Variants in FHIP1A observed in about 807,000 individuals in gnomAD.
FHIP1A encodes the protein FHF complex subunit HOOK-interacting protein 1A.
A neutral mutation model predicts 88.6 loss-of-function variants in FHIP1A; 61 were observed. The ratio of observed to expected loss-of-function variants is 0.69; its 90% CI spans 0.56 to 0.85. The LOEUF (loss-of-function observed/expected upper bound fraction) is 0.85. FHIP1A is among the 40% of genes least tolerant of loss of function. The pLI is 0.00. For synonymous variants in FHIP1A, 478 were observed against 496.0 expected (o/e 0.96, Z 0.48); for missense variants, 1,154 against 1,273.5 (o/e 0.91, Z 1.43).
Position 151,608,037 on chromosome 4 carries a change from C to CTTTTTTTTTTTTTT in FHIP1A, c.978+19123_978+19136dup, listed in dbSNP as rs376335318. The stretch of plus-strand genomic sequence containing the variant: ...TTTTCTTTTCTTTTTCTTTCTTCTT[C>CTTTTTTTTTTTTTT]TTTTTTTTTTTTTTTTTTTTTTTTT... On this transcript the variant is annotated intron_variant, in intron 7 of 13. Coordinates refer to ENST00000435205, the MANE Select transcript of FHIP1A (RefSeq NM_001109977.3). 6.4e-4 allele frequency among the ~76,000 whole-genome samples: 43 copies of CTTTTTTTTTTTTTT among 67,142 alleles called. 8 individuals are homozygous for CTTTTTTTTTTTTTT. The highest frequency in any genetic ancestry group is 7.8e-4 in the Non-Finnish European group (28 of 36,078). 44.0% of individuals were successfully genotyped at this position (67,142 alleles called of 152,430 possible).
chr4:151,552,832 A>AAG (rs539042480), intron 3 of FHIP1A, among the ~76,000 whole-genome samples: 139 of 151,978 alleles, frequency 9.1e-4, no homozygotes, highest in African/African-American at 3.2e-3. Flanking sequence ...AATTAAAAAA[A>AAG]AAAAAAGAAA....
At chr4:151,535,294 G>C (rs190846464) in intron 3 of FHIP1A, among the ~76,000 whole-genome samples, 15 of 152,246 alleles carry the variant, frequency 9.9e-5, no homozygotes, top group Admixed American at 4.6e-4. Flanking sequence ...ACCCAGCCAC[G>C]AGCAGATTGG....
intron 2 of FHIP1A, among the ~76,000 whole-genome samples, chr4:151,480,602 C>T (rs543865065): frequency 5.9e-5 from 9 of 151,976 alleles, no homozygotes; most frequent in Admixed American, 2.6e-4. Flanking sequence ...GATTAAATGG[C>T]CAGATATTTG....
chr4:151,570,243 T>C (rs1733547645), intron 4 of FHIP1A, among the ~76,000 whole-genome samples: 1 of 152,138 alleles, frequency 6.6e-6, no homozygotes, highest in Non-Finnish European at 1.5e-5. Context: ...CATCATGCTG[T>C]TTCATCCCTC....
At chr4:151,467,165 G>T (rs1275286542) in intron 2 of FHIP1A, among the ~76,000 whole-genome samples, 1 of 152,170 alleles carries the variant, frequency 6.6e-6, no homozygotes, top group Non-Finnish European at 1.5e-5. Flanking sequence ...GTGGGCAAAG[G>T]ATATGAACAG....
intron 3 of FHIP1A, among the ~76,000 whole-genome samples, chr4:151,487,704 A>T (rs995174191): frequency 6.6e-6 from 1 of 152,240 alleles, no homozygotes; most frequent in Non-Finnish European, 1.5e-5. Flanking sequence ...CTTCCATGTA[A>T]TTCCTTACAA....
chr4:151,560,747 G>C (rs1280899471), intron 3 of FHIP1A, among the ~76,000 whole-genome samples: 2 of 152,080 alleles, frequency 1.3e-5, no homozygotes, highest in Non-Finnish European at 1.5e-5. Context: ...CACCCTATGT[G>C]TATAAGAAAC....
At chr4:151,527,936 C>T (rs1157572898) in intron 3 of FHIP1A, among the ~76,000 whole-genome samples, 1 of 152,128 alleles carries the variant, frequency 6.6e-6, no homozygotes, top group Admixed American at 6.5e-5. Context: ...CACTCAATGC[C>T]AGGAAGGTAT....
At chr4:151,470,626 G>C (rs910868481) in intron 2 of FHIP1A, among the ~76,000 whole-genome samples, 1 of 152,158 alleles carries the variant, frequency 6.6e-6, no homozygotes, top group African/African-American at 2.4e-5. Flanking sequence ...ATGTCATTCA[G>C]ACAGTTTCTT....
chr4:151,596,661 A>G (rs1734661432), intron 7 of FHIP1A, among the ~76,000 whole-genome samples: 1 of 152,190 alleles, frequency 6.6e-6, no homozygotes, highest in South Asian at 2.1e-4. Flanking sequence ...AGGTACACCA[A>G]TTAAACATAG....
intron 3 of FHIP1A, among the ~76,000 whole-genome samples, chr4:151,562,071 A>C (rs1733194153): frequency 6.6e-6 from 1 of 152,208 alleles, no homozygotes; most frequent in Non-Finnish European, 1.5e-5. Flanking sequence ...AAGGTTTCAC[A>C]GCTGGTTAGA....
At chr4:151,529,917 A>G (rs1284581764) in intron 3 of FHIP1A, among the ~76,000 whole-genome samples, 4 of 152,190 alleles carry the variant, frequency 2.6e-5, no homozygotes, top group African/African-American at 7.2e-5. Context: ...AGGTGGGGCC[A>G]TATTGAAACT....
chr4:151,492,521 G>A (rs547670383), intron 3 of FHIP1A, among the ~76,000 whole-genome samples: 6 of 151,742 alleles, frequency 4.0e-5, no homozygotes, highest in South Asian at 2.1e-4. Context: ...GAATCTGGGC[G>A]GCATAGGTTG....
At chr4:151,466,690 A>G (rs1729325769) in intron 2 of FHIP1A, among the ~76,000 whole-genome samples, 1 of 152,156 alleles carries the variant, frequency 6.6e-6, no homozygotes, top group South Asian at 2.1e-4. Context: ...ATCTACAACA[A>G]TCTGATCTTT....
In FHIP1A at chr4:151,554,677, A is replaced by G. The variant is rs139083565; in HGVS notation, c.-122-11461A>G. Among the ~76,000 whole-genome samples, 1,092 of 152,244 alleles carry G rather than the reference A, an allele frequency of 7.2e-3. 12 individuals are homozygous for G. Among genetic ancestry groups the G allele is most frequent in the Admixed American group, 0.012 (188 of 15,274 alleles). Reference sequence around the variant, plus strand: ...TTTACACCCTTCAATTTTAATGACAACTTGTTCTTTTAACTGCACATGTGA... The same window carrying G: ...TTTACACCCTTCAATTTTAATGACAGCTTGTTCTTTTAACTGCACATGTGA... On this transcript the variant is annotated intron_variant, in intron 3 of 13. Coordinates refer to ENST00000435205, the MANE Select transcript of FHIP1A (RefSeq NM_001109977.3).
At chr4:151,550,080 T>TA (rs1732666479) in intron 3 of FHIP1A, among the ~76,000 whole-genome samples, 1 of 152,190 alleles carries the variant, frequency 6.6e-6, no homozygotes, top group Non-Finnish European at 1.5e-5. Flanking sequence ...TGCCTGTTTA[T>TA]ATTTTTAAGT....
chr4:151,587,289 T>A (rs776300408), intron 6 of FHIP1A, among the ~76,000 whole-genome samples: 2 of 152,184 alleles, frequency 1.3e-5, no homozygotes, highest in Non-Finnish European at 2.9e-5. Flanking sequence ...GAAATTGTCC[T>A]GTTTGGGAGA....
chr4:151,513,251 C>T (rs1731103267), intron 3 of FHIP1A, among the ~76,000 whole-genome samples: 3 of 152,140 alleles, frequency 2.0e-5, no homozygotes, highest in Admixed American at 6.5e-5. Context: ...CAAGCAAATG[C>T]TGAGAGATTT....
chr4:151,634,990 A>G (rs1467648945), intron 8 of FHIP1A, among the ~76,000 whole-genome samples: 2 of 151,888 alleles, frequency 1.3e-5, no homozygotes, highest in Admixed American at 1.3e-4. Flanking sequence ...TTTATGAGTC[A>G]TATATCTGAT....
Sources: gnomAD v4.1 joint callset for allele counts (sites outside exome capture counted in the v4.1 genomes callset) on GRCh38, gnomAD v4.1.1 for gene constraint, MANE v1.5 for transcripts, NCBI Gene and HGNC (gene_info 2026-07-23, HGNC 2026-07-21) for gene names.